TTN: variants seen among roughly 807,000 people sequenced by gnomAD.
The protein encoded by TTN is connectin.
In TTN, 1,525 loss-of-function variants were observed where a neutral mutation model predicts 3,223.0. The ratio of observed to expected loss-of-function variants is 0.47; its 90% CI spans 0.45 to 0.49. The LOEUF (loss-of-function observed/expected upper bound fraction) is 0.49, where lower values mean the gene tolerates loss of function less well. TTN is among the 20% of genes least tolerant of loss of function. The pLI, the probability that TTN is intolerant of heterozygous loss-of-function variation, is 0.00. For missense variants in TTN, 40,786 were observed against 43,424.0 expected (o/e 0.94, Z 5.40); for synonymous variants, 14,094 against 15,161.0 (o/e 0.93, Z 5.17).
intron 29 of TTN, 100 bp downstream of exon 29, chr2:178,774,821 T>C: frequency 7.3e-7 from 1 of 1,378,718 alleles, no homozygotes; most frequent in Non-Finnish European, 1.0e-6. Context: ...AATTTCCAAA[T>C]AATTGTTTCA....
At chr2:178,646,104 T>TCATA (rs1553761409) in intron 216 of TTN, 74 bp from the exon 217 acceptor site, 1 of 37,648 alleles carries the variant, frequency 2.7e-5, no homozygotes, top group African/African-American at 8.6e-5. Context: ...TTAATAGAAA[T>TCATA]TATATATATA....
At position 178,766,547 on chromosome 2, in the gene TTN, C is replaced by T. The variant is rs1415326228; in HGVS notation, c.9537G>A (p.Trp3179Ter). 1.2e-6 allele frequency: 2 copies of T among 1,614,050 alleles called. No homozygotes were observed. Among genetic ancestry groups the T allele is most frequent in the Non-Finnish European group, 1.7e-6 (2 of 1,179,990 alleles). The part of the protein sequence containing the change: ...EVNEDDVDAH[W>*]YKDGIEINFQ... ...AATTGATTTCAATGCCATCTTTATACCAGTGGGCATCAACATCGTCTTCAT... is the reference window on the plus strand; with the variant it reads ...AATTGATTTCAATGCCATCTTTATATCAGTGGGCATCAACATCGTCTTCAT... The change falls in exon 41 of 363, where the codon TGG (tryptophan) becomes TGA (stop). Residue 3179 changes from tryptophan (W) to a stop codon, truncating the protein, a stop_gained. Coordinates refer to ENST00000589042, the MANE Select transcript of TTN (RefSeq NM_001267550.2). LOFTEE classifies it high-confidence loss of function.
At chr2:178,702,378 C>A (rs562837048) in intron 107 of TTN, 76 bp downstream of exon 107, 1 of 1,602,628 alleles carries the variant, frequency 6.2e-7, no homozygotes, top group Non-Finnish European at 8.5e-7. Flanking sequence ...AGAGCATGAG[C>A]GCATACAGGG....
In TTN at chr2:178,528,592, A is replaced by C. The variant is rs768060182; in HGVS notation, c.107159T>G (p.Leu35720Arg). The change falls in exon 360 of 363, where the codon CTC (leucine) becomes CGC (arginine). Residue 35720 changes from leucine to arginine, a missense_variant. Coordinates refer to ENST00000589042, the MANE Select transcript of TTN (RefSeq NM_001267550.2). ...CTCGCCACTGATTTCACAAGTAAAG[A>C]GAACATTTTGTCCTTCATTAATATT... ...SQNINEGQNV[L>R]FTCEISGEPS... 6.2e-7 allele frequency: 1 copy of C among 1,613,156 alleles called. No individual in the cohort carries two copies. Among genetic ancestry groups the C allele is most frequent in the South Asian group, 1.1e-5 (1 of 90,928 alleles).
chr2:178,615,427 A>G lies in TTN; in HGVS notation c.48518T>C (p.Phe16173Ser), dbSNP rs1576472588. 6.2e-7 allele frequency: 1 copy of G among 1,612,600 alleles called. No homozygotes were observed. Among genetic ancestry groups the G allele is most frequent in the Non-Finnish European group, 8.5e-7 (1 of 1,179,026 alleles). ...KWRDRTANSIFLTWDPPKNDG... is the reference protein window; with the variant it reads ...KWRDRTANSISLTWDPPKNDG... ...ATTTTTAGGTGGATCCCATGTTAAG[A>G]AGATGCTATTGGCTGTTCGATCTCT... Residue 16173 changes from phenylalanine (F) to serine (S), a missense_variant, in exon 259 of 363, where the codon TTC becomes TCC. Phe to Ser is a radical substitution (Grantham distance 155). Coordinates refer to ENST00000589042, the MANE Select transcript of TTN (RefSeq NM_001267550.2).
At chr2:178,597,840 C>T (rs1191104790) in intron 293 of TTN, 21 bp from the exon 294 acceptor site, 2 of 1,612,482 alleles carry the variant, frequency 1.2e-6, no homozygotes, top group Admixed American at 1.7e-5. Flanking sequence ...TTGAAAATTA[C>T]AAATGTGATT....
At chr2:178,645,379 A>G (rs1208477272) in intron 217 of TTN, among the ~76,000 whole-genome samples, 1 of 151,912 alleles carries the variant, frequency 6.6e-6, no homozygotes, top group Middle Eastern at 3.2e-3. Context: ...AAAAAAAGAG[A>G]TGGGGGAACT....
rs1429215263 is a variant in TTN at position 178,722,378 on chromosome 2, A to G, written c.22409T>C (p.Val7470Ala). 1.2e-6 allele frequency: 2 copies of G among 1,613,450 alleles called. No individual in the cohort carries two copies. The highest frequency in any genetic ancestry group is 2.2e-5 in the East Asian group (1 of 44,840). The change falls in exon 77 of 363, where the codon GTA (valine) becomes GCA (alanine). Residue 7470 changes from valine to alanine, a missense_variant. Coordinates refer to ENST00000589042, the MANE Select transcript of TTN (RefSeq NM_001267550.2). Reference sequence around the variant, plus strand: ...AATTTTTAAAGTTGCCACATTATCTACAAATGAAGTCTGTAGATTTTCATC... The same window carrying G: ...AATTTTTAAAGTTGCCACATTATCTGCAAATGAAGTCTGTAGATTTTCATC... ...RDDENLQTSF[V>A]DNVATLKILQ...
intron 16 of TTN, 136 bp downstream of exon 16, chr2:178,783,934 T>G (rs1277551583): frequency 7.2e-7 from 1 of 1,390,536 alleles, no homozygotes; most frequent in East Asian, 2.3e-5. Context: ...CATACTATGC[T>G]CCATAAAAAT....
At position 178,595,736 on chromosome 2, in the gene TTN, A is replaced by G. The variant is rs879238032; in HGVS notation, c.57618T>C (p.Phe19206=). 2 of 1,609,454 alleles carry G rather than the reference A, an allele frequency of 1.2e-6. No homozygotes were observed. Among genetic ancestry groups the G allele is most frequent in the African/African-American group, 2.7e-5 (2 of 74,944 alleles). ...LTNESCKLTW[F]SPEDDGGSPI... Reference sequence around the variant, plus strand: ...GAGAGCCTCCATCATCTTCTGGAGAAAACCATGTCAGTTTGCAGGACTCAT... The same window carrying G: ...GAGAGCCTCCATCATCTTCTGGAGAGAACCATGTCAGTTTGCAGGACTCAT... Residue 19206 remains phenylalanine (F), a synonymous_variant, in exon 295 of 363, where the codon TTT becomes TTC. Coordinates refer to ENST00000589042, the MANE Select transcript of TTN (RefSeq NM_001267550.2).
rs1185808525 is a variant in TTN, at chr2:178,653,126, T to A, written c.38792-2A>T. The A allele has an allele frequency of 6.2e-7, 1 of 1,612,468 alleles. No individual in the cohort carries two copies. Among genetic ancestry groups the A allele is most frequent in the Non-Finnish European group, 8.5e-7 (1 of 1,179,372 alleles). On this transcript the variant is annotated splice_acceptor_variant, in intron 198 of 362. Coordinates refer to ENST00000589042, the MANE Select transcript of TTN (RefSeq NM_001267550.2). LOFTEE classifies it high-confidence loss of function. ...CAACTTCTTTGGGAGCCTCTGGCAC[T>A]TAAAAGATATTAGGTAAAATTACAT...
Position 178,641,281 on chromosome 2 carries a change from T to C in TTN, c.40593A>G (p.Lys13531=). Residue 13531 remains lysine (K), a synonymous_variant, in exon 220 of 363, where the codon AAA becomes AAG. Transcript: ENST00000589042. ...CTTTTTCTAGTTTTTTAGGTTCTAC[T>C]TTAGGTTCTTCTTCTTCAGGTCTTT... The part of the protein sequence containing the change: ...LRKRPEEEEP[K]VEPKKLEKVK... The C allele has an allele frequency of 6.6e-7, 1 of 1,511,652 alleles. No individual in the cohort carries two copies. The highest frequency in any genetic ancestry group is 8.8e-7 in the Non-Finnish European group (1 of 1,131,682). The allele number at this position is 1,511,652 out of a possible 1,614,324, so 93.6% of individuals were successfully genotyped here.
In TTN at chr2:178,720,713, GA is replaced by G. The variant is rs553581264; in HGVS notation, c.23099-51del. 2.4e-4 allele frequency: 351 copies of G among 1,489,952 alleles called. 4 individuals carry two copies. The South Asian group carries it at 3.5e-3, about 15-fold the overall frequency. 92.3% of individuals were successfully genotyped at this position (1,489,952 alleles called of 1,614,324 possible). On this transcript the variant is annotated intron_variant, in intron 79 of 362. Transcript: ENST00000589042. ...ATGAGAACACTTGCTTACTATAAAG[GA>G]AAAAAAAATTAAATCTAGAACCTTG...
At chr2:178,652,049 G>A in intron 204 of TTN, 47 bp downstream of exon 204, 2 of 1,612,002 alleles carry the variant, frequency 1.2e-6, no homozygotes, top group Admixed American at 1.7e-5. Context: ...ACAACACTAA[G>A]GAAAGATTTT....
Position 178,526,767 on chromosome 2 carries a change from G to T in TTN, c.*245C>A. The T allele has an allele frequency of 2.9e-6, 1 of 339,084 alleles. No individual in the cohort carries two copies. The allele number at this position is 339,084 out of a possible 1,614,324, so 21.0% of individuals were successfully genotyped here. On this transcript the variant is annotated 3_prime_UTR_variant, in exon 363 of 363. Transcript: ENST00000589042. ...CATTGTAAAATGTCATAAAATAAAT[G>T]GTACAAAACTTTATAACCGTTAATC...
chr2:178,729,752 A>T lies in TTN; in HGVS notation c.18501T>A (p.Gly6167=). ...AAGTCCCACTATTTTCTACCCTGGC[A>T]CCAGAAATCTGGAAAGTGGCTAAAC... ...IDGLATFQIS[G]ARVENSGTYV... is the part of the protein sequence containing the mutation. The change falls in exon 63 of 363, where the codon GGT becomes GGA. Residue 6167 remains glycine (G), a synonymous_variant. Transcript: ENST00000589042. 6.2e-7 allele frequency: 1 copy of T among 1,613,712 alleles called. No individual in the cohort carries two copies. The highest frequency in any genetic ancestry group is 1.1e-5 in the South Asian group (1 of 91,086).
rs1285360648 is a variant in TTN, at chr2:178,777,833, G to A, written c.4351C>T (p.Leu1451Phe). The change falls in exon 25 of 363, where the codon CTT becomes TTT. Residue 1451 changes from leucine (L) to phenylalanine (F), a missense_variant. Leu to Phe is a conservative substitution (Grantham distance 22). Transcript: ENST00000589042. ...AAGACTGGTTTATATAGTCTCTCAA[G>A]TTGTGACTCATCTGTCTCCTCCAGC... The part of the protein sequence containing the change: ...RRLEETDESQ[L>F]ERLYKPVFVL... 3 of 1,613,926 alleles carry A rather than the reference G, an allele frequency of 1.9e-6. No homozygotes were observed. Among genetic ancestry groups the A allele is most frequent in the African/African-American group, 1.3e-5 (1 of 74,888 alleles).
rs768897840 is a variant in TTN at position 178,549,188 on chromosome 2, A to G, written c.92438T>C (p.Ile30813Thr). The change falls in exon 339 of 363, where the codon ATT (isoleucine) becomes ACT (threonine). Residue 30813 changes from isoleucine (I) to threonine (T), a missense_variant. Ile to Thr is a moderately conservative substitution (Grantham distance 89, BLOSUM62 -1). Coordinates refer to ENST00000589042, the MANE Select transcript of TTN (RefSeq NM_001267550.2). ...VGPASGISRL[I>T]KCREPVNPPG... ...TGGGTTGACGGGCTCTCTACATTTAATGAGTCTTGAGATGCCACTTGCAGG... is the reference window on the plus strand; with the variant it reads ...TGGGTTGACGGGCTCTCTACATTTAGTGAGTCTTGAGATGCCACTTGCAGG... 47 of 1,613,634 alleles carry G rather than the reference A, an allele frequency of 2.9e-5. No homozygotes were observed. The highest frequency in any genetic ancestry group is 3.4e-5 in the Non-Finnish European group (40 of 1,179,830).
In TTN at chr2:178,551,699, C is replaced by T. The variant is rs775741044; in HGVS notation, c.91201G>A (p.Ala30401Thr). ...GAGCTTAGGCCAGCAGAATTTTCAG[C>T]ATATACACGGAATTGGTAATCCAGA... ...EGLDYQFRVY[A>T]ENSAGLSSPS... The change falls in exon 335 of 363, where the codon GCT (alanine) becomes ACT (threonine). Residue 30401 changes from alanine (A) to threonine (T), a missense_variant. Transcript: ENST00000589042. The T allele has an allele frequency of 5.6e-6, 9 of 1,613,092 alleles. No homozygotes were observed. Among genetic ancestry groups the T allele is most frequent in the South Asian group, 2.2e-5 (2 of 91,008 alleles).
Sources: allele counts gnomAD v4.1 joint callset (sites outside exome capture counted in the v4.1 genomes callset), GRCh38; gene constraint gnomAD v4.1.1; transcripts MANE v1.5; gene names NCBI Gene and HGNC (gene_info 2026-07-23, HGNC 2026-07-21).